The following EXT1 variants were observed in gnomAD, a reference collection of about 807,000 sequenced individuals.
EXT1 encodes the protein exostosin glycosyltransferase 1, also known as exostosin-1.
In EXT1, 20 loss-of-function variants were observed where a neutral mutation model predicts 82.5. The observed-to-expected ratio is 0.24, with a 90% CI of 0.17 to 0.35. The LOEUF (loss-of-function observed/expected upper bound fraction) is 0.35, where lower values mean the gene tolerates loss of function less well. EXT1 is among the 10% of genes least tolerant of loss of function. EXT1 has a pLI of 1.00. For synonymous variants in EXT1, 348 were observed against 350.8 expected, an observed-to-expected ratio of 0.99 and a Z score of 0.09; for missense variants, 757 against 936.5, an observed-to-expected ratio of 0.81 and a Z score of 2.50.
chr8:117,937,637 A>T (rs1814192892), intron 1 of EXT1, among the ~76,000 whole-genome samples: 1 of 152,266 alleles, frequency 6.6e-6, no homozygotes, highest in South Asian at 2.1e-4. Flanking sequence ...GTTCACATAC[A>T]ATAAAGACTG....
At chr8:117,934,707 T>C (rs1814125462) in intron 1 of EXT1, among the ~76,000 whole-genome samples, 2 of 152,184 alleles carry the variant, frequency 1.3e-5, no homozygotes, top group African/African-American at 4.8e-5. Context: ...CCCAGAACTG[T>C]TTCACACCTC....
At chr8:117,891,805 CTTTTTTTTTT>C (rs33967253) in intron 1 of EXT1, among the ~76,000 whole-genome samples, 1 of 121,074 alleles carries the variant, frequency 8.3e-6, no homozygotes, top group African/African-American at 3.1e-5. Context: ...TTTTTTCTTG[CTTTTTTTTTT>C]TTTTTTTTTG....
chr8:118,061,518 C>T (rs1563643768), intron 1 of EXT1, among the ~76,000 whole-genome samples: 2 of 152,200 alleles, frequency 1.3e-5, no homozygotes, highest in Non-Finnish European at 2.9e-5. Context: ...AAAACCATTT[C>T]ATAACCCATT....
At chr8:117,866,716 G>A (rs1812779264) in intron 1 of EXT1, among the ~76,000 whole-genome samples, 1 of 145,188 alleles carries the variant, frequency 6.9e-6, no homozygotes, top group South Asian at 2.2e-4. Context: ...AAGTTTTTGT[G>A]TGTCTAAGTA....
chr8:117,950,613 G>T (rs1814473971), intron 1 of EXT1, among the ~76,000 whole-genome samples: 1 of 152,200 alleles, frequency 6.6e-6, no homozygotes, highest in Non-Finnish European at 1.5e-5. Context: ...CAATATCAGG[G>T]TCAAGTCCAA....
chr8:117,919,764 A>T (rs564629651), intron 1 of EXT1, among the ~76,000 whole-genome samples: 2 of 152,280 alleles, frequency 1.3e-5, no homozygotes. Context: ...TCAGCCTCCC[A>T]AAGTGCTGCA....
At chr8:118,067,416 T>C (rs1238195951) in intron 1 of EXT1, among the ~76,000 whole-genome samples, 1 of 152,224 alleles carries the variant, frequency 6.6e-6, no homozygotes, top group Non-Finnish European at 1.5e-5. Context: ...AAGGAATACA[T>C]GGGCTGGATG....
intron 1 of EXT1, among the ~76,000 whole-genome samples, chr8:117,921,759 C>A (rs1318792978): frequency 5.3e-5 from 8 of 152,190 alleles, no homozygotes; most frequent in South Asian, 2.1e-4. Context: ...ATTTCTATGT[C>A]TATGATCACA....
intron 1 of EXT1, among the ~76,000 whole-genome samples, chr8:117,944,450 C>T (rs1190520397): frequency 6.6e-6 from 1 of 152,180 alleles, no homozygotes; most frequent in African/African-American, 2.4e-5. Flanking sequence ...CATATATTGT[C>T]TCAGTGCTCC....
intron 1 of EXT1, among the ~76,000 whole-genome samples, chr8:117,844,211 G>A (rs1216530926): frequency 1.3e-5 from 2 of 151,192 alleles, no homozygotes; most frequent in African/African-American, 2.4e-5. Flanking sequence ...GCAGTGCAGT[G>A]GTGAGATCAC....
intron 1 of EXT1, among the ~76,000 whole-genome samples, chr8:117,917,144 CATAA>C (rs1332447173): frequency 1.3e-5 from 2 of 152,126 alleles, no homozygotes; most frequent in Non-Finnish European, 2.9e-5. Flanking sequence ...AAGATCTTTT[CATAA>C]ATAGCTTCTT....
intron 1 of EXT1, among the ~76,000 whole-genome samples, chr8:117,866,601 G>A (rs1000260277): frequency 6.6e-6 from 1 of 152,144 alleles, no homozygotes; most frequent in Non-Finnish European, 1.5e-5. Flanking sequence ...ATTTATGCAG[G>A]AACTAGCTAT....
intron 8 of EXT1, among the ~76,000 whole-genome samples, chr8:117,809,432 T>A (rs1342409810): frequency 6.7e-6 from 1 of 149,542 alleles, no homozygotes; most frequent in Non-Finnish European, 1.5e-5. Context: ...AGGTCAGGAG[T>A]TTGAGACCAG....
intron 7 of EXT1, among the ~76,000 whole-genome samples, chr8:117,814,894 G>A (rs907322491): frequency 1.3e-5 from 2 of 152,122 alleles, no homozygotes; most frequent in African/African-American, 2.4e-5. Flanking sequence ...CTTTGCCGGC[G>A]AAGCTACCAG....
chr8:117,840,367 C>T (rs1022703550), intron 1 of EXT1, among the ~76,000 whole-genome samples: 3 of 152,188 alleles, frequency 2.0e-5, no homozygotes, highest in Non-Finnish European at 4.4e-5. Context: ...AATCCCAGCA[C>T]TTTGGGAGGC....
intron 1 of EXT1, among the ~76,000 whole-genome samples, chr8:117,882,402 G>A (rs1813076585): frequency 6.6e-6 from 1 of 152,086 alleles, no homozygotes; most frequent in Admixed American, 6.5e-5. Flanking sequence ...AACTTTGAAT[G>A]GCAAGTGGCA....
intron 1 of EXT1, among the ~76,000 whole-genome samples, chr8:118,000,868 A>G (rs1227882370): frequency 6.6e-6 from 1 of 152,082 alleles, no homozygotes; most frequent in Non-Finnish European, 1.5e-5. Context: ...AAGTGATGTG[A>G]TCCCTAATGT....
At chr8:118,080,902 T>C (rs1366872958) in intron 1 of EXT1, among the ~76,000 whole-genome samples, 1 of 152,150 alleles carries the variant, frequency 6.6e-6, no homozygotes, top group Non-Finnish European at 1.5e-5. Context: ...TCTCCATGTC[T>C]CAGCTTCCTC....
At chr8:117,858,572 G>A (rs1410217105) in intron 1 of EXT1, among the ~76,000 whole-genome samples, 8 of 152,002 alleles carry the variant, frequency 5.3e-5, no homozygotes, top group Admixed American at 5.2e-4. Context: ...CAGCTACCTT[G>A]GAGGCTGAGG....
Sources: gnomAD v4.1 joint callset for allele counts (sites outside exome capture counted in the v4.1 genomes callset) on GRCh38, gnomAD v4.1.1 for gene constraint, MANE v1.5 for transcripts, NCBI Gene and HGNC (gene_info 2026-07-23, HGNC 2026-07-21) for gene names.